Variants in CTNNA2 observed in about 807,000 individuals in gnomAD.
CTNNA2 encodes the protein catenin alpha 2.
In CTNNA2, 42 loss-of-function variants were observed where a neutral mutation model predicts 101.0. That is an observed-to-expected ratio of 0.42 (90% CI 0.32 to 0.54). The LOEUF (loss-of-function observed/expected upper bound fraction) is 0.54, where lower values mean the gene tolerates loss of function less well. CTNNA2 is among the 20% of genes least tolerant of loss of function. The probability of loss-of-function intolerance (pLI) is 0.14; values close to 1 mark genes in which losing one functional copy is unlikely to be tolerated. For missense variants in CTNNA2, 871 were observed against 1,223.1 expected, an observed-to-expected ratio of 0.71 and a Z score of 4.29; for synonymous variants, 450 against 456.4, an observed-to-expected ratio of 0.99 and a Z score of 0.18.
At chr2:79,743,175 T>TTAA (rs557161371) in intron 2 of CTNNA2, among the ~76,000 whole-genome samples, 4 of 147,338 alleles carry the variant, frequency 2.7e-5, no homozygotes, top group African/African-American at 7.4e-5. Flanking sequence ...GTGAAGCCGA[T>TTAA]AAAAAAAAAA....
chr2:80,419,390 A>G, intron 8 of CTNNA2, 59 bp from the exon 9 acceptor site: 1 of 1,391,006 alleles, frequency 7.2e-7, no homozygotes, highest in South Asian at 1.3e-5. Context: ...TAGAAAAAAA[A>G]TGGGCAATTA....
At chr2:80,040,302 AT>A (rs1241793549) in intron 7 of CTNNA2, among the ~76,000 whole-genome samples, 2 of 152,122 alleles carry the variant, frequency 1.3e-5, no homozygotes, top group Non-Finnish European at 2.9e-5. Context: ...TTCCTGAAGT[AT>A]TTTTTCTGTT....
chr2:79,984,985 T>C (rs918349930), intron 7 of CTNNA2, among the ~76,000 whole-genome samples: 3 of 152,206 alleles, frequency 2.0e-5, no homozygotes, highest in African/African-American at 4.8e-5. Flanking sequence ...ATATTGTCTA[T>C]GGCTGCTCTT....
intron 3 of CTNNA2, among the ~76,000 whole-genome samples, chr2:79,852,742 C>A (rs577180031): frequency 3.7e-4 from 57 of 152,232 alleles, no homozygotes; most frequent in African/African-American, 1.3e-3. Flanking sequence ...CAGGTGCACA[C>A]CACCACGCCT....
At chr2:80,612,468 T>G (rs865919673) in intron 17 of CTNNA2, among the ~76,000 whole-genome samples, 2 of 151,594 alleles carry the variant, frequency 1.3e-5, no homozygotes, top group Non-Finnish European at 1.5e-5. Flanking sequence ...TATTTACTCT[T>G]ATACCCTCAA....
chr2:80,502,103 A>G (rs906009712), intron 9 of CTNNA2, among the ~76,000 whole-genome samples: 7 of 152,134 alleles, frequency 4.6e-5, no homozygotes, highest in African/African-American at 1.7e-4. Flanking sequence ...AAATAGAAAA[A>G]CCTGGCCTAG....
chr2:80,495,182 C>T (rs748469703), intron 9 of CTNNA2, among the ~76,000 whole-genome samples: 7 of 152,152 alleles, frequency 4.6e-5, no homozygotes, highest in Non-Finnish European at 7.3e-5. Flanking sequence ...TATTACCTCA[C>T]CACTCAGGGA....
chr2:80,450,948 T>C (rs559177628), intron 9 of CTNNA2, among the ~76,000 whole-genome samples: 9 of 151,830 alleles, frequency 5.9e-5, no homozygotes, highest in Admixed American at 5.9e-4. Context: ...CAAGTCTTCA[T>C]TAATAACCTC....
At chr2:79,606,665 T>C (rs1677916264) in intron 1 of CTNNA2, among the ~76,000 whole-genome samples, 1 of 152,168 alleles carries the variant, frequency 6.6e-6, no homozygotes, top group Admixed American at 6.5e-5. Context: ...TCCATAAGAA[T>C]AGAAATGTCA....
intron 7 of CTNNA2, among the ~76,000 whole-genome samples, chr2:80,128,244 C>T (rs1460129107): frequency 6.6e-6 from 1 of 152,030 alleles, no homozygotes. Context: ...AAGCCTGGTG[C>T]TCTAATGGTG....
intron 7 of CTNNA2, among the ~76,000 whole-genome samples, chr2:80,113,694 C>T (rs1052672902): frequency 1.3e-5 from 2 of 152,226 alleles, no homozygotes; most frequent in African/African-American, 4.8e-5. Flanking sequence ...TGGCCCTTTA[C>T]AGAAAAAGTA....
At chr2:79,552,824 G>A (rs1267959770) in intron 1 of CTNNA2, among the ~76,000 whole-genome samples, 2 of 152,212 alleles carry the variant, frequency 1.3e-5, no homozygotes, top group Non-Finnish European at 2.9e-5. Context: ...GCTGCGTAGA[G>A]CAGTGGGGCC....
intron 4 of CTNNA2, among the ~76,000 whole-genome samples, chr2:79,392,947 C>A (rs1573144055): frequency 6.6e-6 from 1 of 152,300 alleles, no homozygotes. Flanking sequence ...TGAATATATT[C>A]CATCTCTTTA....
intron 4 of CTNNA2, among the ~76,000 whole-genome samples, chr2:79,498,364 G>C (rs1255379068): frequency 6.6e-6 from 1 of 152,186 alleles, no homozygotes; most frequent in Admixed American, 6.5e-5. Context: ...AGCAGTTAAA[G>C]ACTGTTTTGA....
chr2:79,967,025 A>G (rs574673444), intron 7 of CTNNA2, among the ~76,000 whole-genome samples: 32 of 152,010 alleles, frequency 2.1e-4, no homozygotes, highest in African/African-American at 7.7e-4. Context: ...CCAAGGCTGT[A>G]AATTCCTCCT....
chr2:79,965,962 A>G (rs1690027902), intron 7 of CTNNA2, among the ~76,000 whole-genome samples: 1 of 152,044 alleles, frequency 6.6e-6, no homozygotes, highest in Non-Finnish European at 1.5e-5. Flanking sequence ...TAAAATAATT[A>G]CTGGTGATAG....
chr2:80,243,441 C>T (rs187904873), intron 7 of CTNNA2, among the ~76,000 whole-genome samples: 1 of 152,314 alleles, frequency 6.6e-6, no homozygotes, highest in Non-Finnish European at 1.5e-5. Flanking sequence ...CCACTCTCAT[C>T]TCCAGGCAAC....
chr2:80,345,586 T>G (rs1359498569), intron 7 of CTNNA2, among the ~76,000 whole-genome samples: 4 of 152,144 alleles, frequency 2.6e-5, no homozygotes, highest in African/African-American at 7.2e-5. Flanking sequence ...GAGGCAGGGA[T>G]ATTTGTATGT....
intron 8 of CTNNA2, among the ~76,000 whole-genome samples, chr2:80,410,892 T>G (rs2149393829): frequency 6.6e-6 from 1 of 152,322 alleles, no homozygotes; most frequent in South Asian, 2.1e-4. Flanking sequence ...AAGATGTATT[T>G]AAGAAGAAGT....
Sources: allele counts gnomAD v4.1 joint callset (sites outside exome capture counted in the v4.1 genomes callset), GRCh38; gene constraint gnomAD v4.1.1; transcripts MANE v1.5; gene names NCBI Gene and HGNC (gene_info 2026-07-23, HGNC 2026-07-21).